The following SMG5 variants were observed in gnomAD, a reference collection of about 807,000 sequenced individuals.
SMG5 encodes nonsense-mediated mRNA decay factor SMG5.
In SMG5, 53 loss-of-function variants were observed where a neutral mutation model predicts 122.9. The ratio of observed to expected loss-of-function variants is 0.43; its 90% CI spans 0.35 to 0.54. The LOEUF (loss-of-function observed/expected upper bound fraction) is 0.54, where lower values mean the gene tolerates loss of function less well. SMG5 is among the 20% of genes least tolerant of loss of function. The pLI, the probability that SMG5 is intolerant of heterozygous loss-of-function variation, is 0.01. For missense variants in SMG5, 1,153 were observed against 1,285.6 expected (o/e 0.90, Z 1.58); for synonymous variants, 477 against 490.2 (o/e 0.97, Z 0.35).
upstream of SMG5, among the ~76,000 whole-genome samples, chr1:156,286,912 CA>C (rs1175579097): frequency 6.6e-6 from 1 of 152,046 alleles, no homozygotes; most frequent in Non-Finnish European, 1.5e-5. Flanking sequence ...CACTTGAGGT[CA>C]GGAGTTCGAG....
At chr1:156,256,724 G>C (rs1365458969) in intron 16 of SMG5, among the ~76,000 whole-genome samples, 1 of 152,052 alleles carries the variant, frequency 6.6e-6, no homozygotes, top group East Asian at 1.9e-4. Flanking sequence ...CCTACCTTCA[G>C]AAGTCCCATC....
At chr1:156,278,872 A>G in intron 2 of SMG5, 64 bp downstream of exon 2, 1 of 1,354,108 alleles carries the variant, frequency 7.4e-7, no homozygotes, top group Non-Finnish European at 1.1e-6. Flanking sequence ...TATATCTGAG[A>G]AGGTTTCTGG....
chr1:156,263,310 G>A, intron 13 of SMG5, 85 bp downstream of exon 13: 1 of 1,448,578 alleles, frequency 6.9e-7, no homozygotes, highest in Non-Finnish European at 9.4e-7. Flanking sequence ...TTGGCCATCA[G>A]GGGGGATCCT....
the SMG5 span, chr1:156,291,407 G>A: frequency 6.2e-7 from 1 of 1,613,966 alleles, no homozygotes; most frequent in Non-Finnish European, 8.5e-7. Flanking sequence ...GCTGACCTTT[G>A]CCGTGGGCCG....
rs773326109 is a variant in SMG5 at position 156,273,423 on chromosome 1, A to G, written c.572T>C (p.Val191Ala). 3 of 1,614,104 alleles carry G rather than the reference A, an allele frequency of 1.9e-6. No individual in the cohort carries two copies. Among genetic ancestry groups the G allele is most frequent in the Non-Finnish European group, 1.7e-6 (2 of 1,180,000 alleles). ...TCTCTCGGCTAGCAGCTCGGTATCT[A>G]CGCCAGCTAATTCATTCTGATATCG... ...LSRYQNELAG[V>A]DTELLAERFY... The change falls in exon 6 of 22, where the codon GTA (valine) becomes GCA (alanine). Residue 191 changes from valine to alanine, a missense_variant. By Grantham distance (64) the Val-to-Ala change is moderately conservative. Coordinates refer to ENST00000361813, the MANE Select transcript of SMG5 (RefSeq NM_015327.3).
chr1:156,254,649 G>C (rs1267281709), intron 16 of SMG5, among the ~76,000 whole-genome samples: 1 of 151,994 alleles, frequency 6.6e-6, no homozygotes, highest in Non-Finnish European at 1.5e-5. Context: ...TCACCATATT[G>C]CCCAGGCTGG....
the SMG5 span, among the ~76,000 whole-genome samples, chr1:156,289,261 T>A: frequency 2.0e-5 from 3 of 152,070 alleles, no homozygotes; most frequent in Non-Finnish European, 1.5e-5. Flanking sequence ...GATCATGAGG[T>A]CAGGAGATCG....
Position 156,277,171 on chromosome 1 carries a change from T to C in SMG5, c.368A>G (p.Gln123Arg). The C allele has an allele frequency of 2.5e-6, 4 of 1,614,026 alleles. No homozygotes were observed. The highest frequency in any genetic ancestry group is 2.7e-5 in the African/African-American group (2 of 75,050). ...GGACTGGATATAGAGAAGGAGATGC[T>C]GGTAGAAGCCAATACCAGCAACCAG... ...THLVAGIGFY[Q>R]HLLLYIQSHY... Residue 123 changes from glutamine to arginine, a missense_variant, in exon 4 of 22, where the codon CAG becomes CGG. By Grantham distance (43) the Gln-to-Arg change is conservative. Transcript: ENST00000361813.
chr1:156,274,796 A>G, intron 4 of SMG5, 110 bp from the exon 5 acceptor site: 3 of 837,596 alleles, frequency 3.6e-6, no homozygotes, highest in Admixed American at 2.0e-5. Context: ...CCAGTCTTGG[A>G]ACATTGTCTT....
Position 156,268,281 on chromosome 1 carries a change from C to T in SMG5, c.839+9G>A. The T allele has an allele frequency of 1.2e-6, 2 of 1,614,172 alleles. No individual in the cohort carries two copies. The highest frequency in any genetic ancestry group is 1.7e-6 in the Non-Finnish European group (2 of 1,180,022). On this transcript the variant is annotated intron_variant, in intron 8 of 21. Transcript: ENST00000361813. ...GAAAAAACCCGTCCTCCTCACAGGC[C>T]CCACTCACCGCTTTTTGCCAGGAGA...
upstream of SMG5, chr1:156,285,830 G>T (rs866765469): frequency 1.9e-6 from 3 of 1,613,614 alleles, no homozygotes; most frequent in African/African-American, 4.0e-5. Flanking sequence ...AAGGGCTGTG[G>T]CCTCCGTGGG....
upstream of SMG5, chr1:156,285,222 C>T (rs2101586539): frequency 1.3e-6 from 2 of 1,525,480 alleles, no homozygotes; most frequent in South Asian, 1.3e-5. Context: ...AACTGAGGCC[C>T]CAGGATGACA....
At chr1:156,265,074 A>ACACAC (rs1558237998) in intron 12 of SMG5, among the ~76,000 whole-genome samples, 1 of 71,022 alleles carries the variant, frequency 1.4e-5, no homozygotes, top group Non-Finnish European at 3.0e-5. Flanking sequence ...CACACACACA[A>ACACAC]AAGCCGGGCA....
rs61995862 is a variant in SMG5 at position 156,252,929 on chromosome 1, G to A, written c.2652C>T (p.Ile884=). ...LATSGRFIVI[I]PRTVIDGLDL... is the part of the protein sequence containing the mutation. ...CTCCAATGTACTTACCTGTCCTTGG[G>A]ATGATGACAATGAAGCGGCCACTGG... The change falls in exon 18 of 22, where the codon ATC becomes ATT. Residue 884 remains isoleucine, a synonymous_variant. Coordinates refer to ENST00000361813, the MANE Select transcript of SMG5 (RefSeq NM_015327.3). The A allele has an allele frequency of 1.6e-3, 2,620 of 1,607,288 alleles. 49 individuals are homozygous for A. The African/African-American group carries it at 0.03, about 19-fold the overall frequency.
intron 7 of SMG5, among the ~76,000 whole-genome samples, chr1:156,270,186 T>C (rs1218652920): frequency 6.6e-6 from 1 of 152,228 alleles, no homozygotes; most frequent in Non-Finnish European, 1.5e-5. Flanking sequence ...CCACAAATTA[T>C]CTGACACTCC....
intron 4 of SMG5, among the ~76,000 whole-genome samples, chr1:156,275,291 T>C (rs932560994): frequency 6.6e-6 from 1 of 152,190 alleles, no homozygotes; most frequent in African/African-American, 2.4e-5. Flanking sequence ...AAAGTGGGCT[T>C]GCCCTGCCTG....
At chr1:156,276,411 G>A (rs1011188546) in intron 4 of SMG5, among the ~76,000 whole-genome samples, 13 of 152,188 alleles carry the variant, frequency 8.5e-5, no homozygotes, top group Non-Finnish European at 1.2e-4. Flanking sequence ...ACAGGCATGA[G>A]CCACCGTGCC....
At chr1:156,262,507 C>G (rs1162936924) in intron 13 of SMG5, among the ~76,000 whole-genome samples, 1 of 146,728 alleles carries the variant, frequency 6.8e-6, no homozygotes, top group African/African-American at 2.5e-5. Context: ...AAGGAGAAAG[C>G]AGCGAAACCA....
intron 7 of SMG5, among the ~76,000 whole-genome samples, chr1:156,271,800 C>A (rs1476417707): frequency 6.6e-6 from 1 of 152,014 alleles, no homozygotes; most frequent in Admixed American, 6.6e-5. Context: ...ACCATGTTGG[C>A]CAGGCTGGTC....
Sources: allele counts gnomAD v4.1 joint callset (sites outside exome capture counted in the v4.1 genomes callset), GRCh38; gene constraint gnomAD v4.1.1; transcripts MANE v1.5; gene names NCBI Gene and HGNC (gene_info 2026-07-23, HGNC 2026-07-21).